Variants in RGL2 observed in about 807,000 individuals in gnomAD.
RGL2 encodes ral guanine nucleotide dissociation stimulator like 2.
Under a neutral mutation model 84.6 loss-of-function variants are expected in RGL2, and 40 were observed. The ratio of observed to expected loss-of-function variants is 0.47; its 90% CI spans 0.37 to 0.62. The LOEUF is 0.62. RGL2 is among the 20% of genes least tolerant of loss of function. The pLI, the probability that RGL2 is intolerant of heterozygous loss-of-function variation, is 0.00. For missense variants in RGL2, 865 were observed against 1,019.7 expected, an observed-to-expected ratio of 0.85 and a Z score of 2.07; for synonymous variants, 369 against 417.3, an observed-to-expected ratio of 0.88 and a Z score of 1.41.
In RGL2 at chr6:33,292,324, A is replaced by G; in HGVS notation, c.2123-11T>C. ...CTGGGATAGTCAGCTCTGAAGGTTC[A>G]GGGGATGGATGTAAAGCACACACAC... On this transcript the variant is annotated splice_polypyrimidine_tract_variant and intron_variant, in intron 17 of 17. Transcript: ENST00000497454. The G allele has an allele frequency of 6.2e-7, 1 of 1,612,724 alleles. No individual in the cohort carries two copies. Among genetic ancestry groups the G allele is most frequent in the Non-Finnish European group, 8.5e-7 (1 of 1,178,888 alleles).
chr6:33,295,294 C>T lies in RGL2; in HGVS notation c.1124+25G>A. The T allele has an allele frequency of 6.4e-7, 1 of 1,560,804 alleles. No homozygotes were observed. Among genetic ancestry groups the T allele is most frequent in the South Asian group, 1.2e-5 (1 of 85,524 alleles). On this transcript the variant is annotated intron_variant, in intron 8 of 17. Transcript: ENST00000497454. This position sits in a 1 kb window ranked among gnomAD's most constrained non-coding sequence, Gnocchi z 7.2. ...CCCGCCTTCTGAGGAACCCCCACCC[C>T]AGTCCAATGCCTCAGCCTCCGCACC...
rs1268138720 is a variant in RGL2, at chr6:33,295,566, C to T, written c.962G>A (p.Arg321Gln). The T allele has an allele frequency of 5.0e-6, 8 of 1,613,790 alleles. No individual in the cohort carries two copies. The highest frequency in any genetic ancestry group is 6.8e-6 in the Non-Finnish European group (8 of 1,180,026). The part of the protein sequence containing the change: ...TGEGPGEVTI[R>Q]PLRPPQRARL... ...GGCCCTCTGTGGGGGACGGAGTGGCCGTATGGTCACCTCCCCAGGTCCCTC... is the reference window on the plus strand; with the variant it reads ...GGCCCTCTGTGGGGGACGGAGTGGCTGTATGGTCACCTCCCCAGGTCCCTC... Residue 321 changes from arginine (R) to glutamine (Q), a missense_variant, in exon 7 of 18, where the codon CGG becomes CAG. Physicochemically the swap from Arg to Gln is conservative, Grantham distance 43 (BLOSUM62 1). Coordinates refer to ENST00000497454, the MANE Select transcript of RGL2 (RefSeq NM_004761.5). This position sits in a 1 kb window ranked among gnomAD's most constrained non-coding sequence, Gnocchi z 7.2.
chr6:33,300,285 A>G (rs371691565), upstream of RGL2: 2 of 153,766 alleles, frequency 1.3e-5, no homozygotes, highest in East Asian at 3.8e-4. Context: ...GGTTCTCCAA[A>G]TGTAACCTCG....
upstream of RGL2, chr6:33,300,794 T>A (rs945012280): frequency 4.6e-5 from 7 of 151,776 alleles, no homozygotes; most frequent in African/African-American, 1.7e-4. Context: ...TGAAACCCCG[T>A]CTCTACTAAA....
rs1317451488 is a variant in RGL2, at chr6:33,297,306, ACC to A, written c.157-193_157-192del. On this transcript the variant is annotated intron_variant, in intron 2 of 17. Transcript: ENST00000497454. This position sits in a 1 kb window ranked among gnomAD's most constrained non-coding sequence, Gnocchi z 4.0. ...CCCCCACTGGGGCCCAGACAGCCCC[ACC>A]CCAGCCGCCTCAGGGCCCCGGTGGA... 32 of 515,540 alleles carry A rather than the reference ACC, an allele frequency of 6.2e-5. No homozygotes were observed. The highest frequency in any genetic ancestry group is 2.4e-5 in the Non-Finnish European group (7 of 294,552). The allele number at this position is 515,540 out of a possible 1,614,324, so 31.9% of individuals were successfully genotyped here.
Position 33,293,448 on chromosome 6 carries a change from T to C in RGL2, c.1681A>G (p.Thr561Ala), listed in dbSNP as rs879599043. The C allele has an allele frequency of 4.3e-6, 7 of 1,614,062 alleles. No individual in the cohort carries two copies. Among genetic ancestry groups the C allele is most frequent in the East Asian group, 4.5e-5 (2 of 44,882 alleles). Residue 561 changes from threonine to alanine, a missense_variant, in exon 15 of 18, where the codon ACA becomes GCA. Transcript: ENST00000497454. The surrounding 1 kb of genome is among the most constrained non-coding windows in gnomAD (Gnocchi z 7.0). ...RPSTGGDEAP[T>A]TPAPLLTRLA... ...CGAGTCAGCAGAGGAGCAGGAGTTG[T>C]AGGCGCCTCATCTCCCCCAGTACTG...
Position 33,297,497 on chromosome 6 carries a change from G to C in RGL2, c.157-382C>G, listed in dbSNP as rs1768097762. The C allele has an allele frequency of 4.3e-6, 1 of 230,650 alleles. No homozygotes were observed. Among genetic ancestry groups the C allele is most frequent in the Non-Finnish European group, 8.6e-6 (1 of 116,840 alleles). 14.3% of individuals were successfully genotyped at this position (230,650 alleles called of 1,614,324 possible). On this transcript the variant is annotated intron_variant, in intron 2 of 17. Coordinates refer to ENST00000497454, the MANE Select transcript of RGL2 (RefSeq NM_004761.5). This position sits in a 1 kb window ranked among gnomAD's most constrained non-coding sequence, Gnocchi z 4.0. ...GCAGCAAGCCAGAGGCAGCGACTAGGGGTAGCTGAAACCTCAGTCCAGGCA... is the reference window on the plus strand; with the variant it reads ...GCAGCAAGCCAGAGGCAGCGACTAGCGGTAGCTGAAACCTCAGTCCAGGCA...
chr6:33,292,512 G>C lies in RGL2; in HGVS notation c.2040C>G (p.Ile680Met). Reference protein sequence around the residue: ...VTSQDKAPSVISRVLKKNNRD... With the variant: ...VTSQDKAPSVMSRVLKKNNRD... Reference sequence around the variant, plus strand: ...GATTGTTTTTCTTAAGGACACGACTGATGACACTTGGAGCCTTGTCCTGGC... The same window carrying C: ...GATTGTTTTTCTTAAGGACACGACTCATGACACTTGGAGCCTTGTCCTGGC... Residue 680 changes from isoleucine to methionine, a missense_variant, in exon 17 of 18, where the codon ATC becomes ATG. Coordinates refer to ENST00000497454, the MANE Select transcript of RGL2 (RefSeq NM_004761.5). The C allele has an allele frequency of 6.2e-7, 1 of 1,614,144 alleles. No homozygotes were observed. The highest frequency in any genetic ancestry group is 1.1e-5 in the South Asian group (1 of 91,088).
chr6:33,298,497 G>A lies in RGL2; in HGVS notation c.114C>T (p.Val38=). Residue 38 remains valine, a synonymous_variant, in exon 2 of 18, where the codon GTC becomes GTT. Coordinates refer to ENST00000497454, the MANE Select transcript of RGL2 (RefSeq NM_004761.5). The surrounding 1 kb of genome is among the most constrained non-coding windows in gnomAD (Gnocchi z 4.8). ...CCTCTTCCTCCTGCCCCCCGCCCAC[G>A]ACCAGGCCACCTGGGCCCCCACCCT... ...PEEGGGPGGL[V]VGGGQEEEEE... The A allele has an allele frequency of 1.3e-6, 2 of 1,524,318 alleles. No homozygotes were observed. Among genetic ancestry groups the A allele is most frequent in the Non-Finnish European group, 1.8e-6 (2 of 1,130,736 alleles). 94.4% of individuals were successfully genotyped at this position (1,524,318 alleles called of 1,614,324 possible).
Position 33,292,076 on chromosome 6 carries a change from T to G in RGL2, c.*26A>C, listed in dbSNP as rs1767441226. The G allele has an allele frequency of 1.9e-6, 3 of 1,613,046 alleles. No homozygotes were observed. Among genetic ancestry groups the G allele is most frequent in the East Asian group, 2.2e-5 (1 of 44,880 alleles). On this transcript the variant is annotated 3_prime_UTR_variant, in exon 18 of 18. Transcript: ENST00000497454. ...CCACATCTGGTATGAACACCATGAC[T>G]TCTGTAAGCCAACGGGGCTTCCTCC...
At chr6:33,292,795 G>A (rs904872664) in intron 16 of RGL2, among the ~76,000 whole-genome samples, 4 of 152,210 alleles carry the variant, frequency 2.6e-5, no homozygotes, top group African/African-American at 9.7e-5. Context: ...AGTTTAAGGT[G>A]TAGCAACTAA....
At position 33,292,128 on chromosome 6, in the gene RGL2, T is replaced by C. The variant is rs1360129430; in HGVS notation, c.2308A>G (p.Arg770Gly). The change falls in exon 18 of 18, where the codon AGG becomes GGG. Residue 770 changes from arginine to glycine, a missense_variant. Physicochemically the swap from Arg to Gly is moderately radical, Grantham distance 125. Around this residue, in one of 5 missense-constraint regions of RGL2, gnomAD observed 302 missense variants for 327.9 expected, o/e 0.92. Coordinates refer to ENST00000497454, the MANE Select transcript of RGL2 (RefSeq NM_004761.5). ...GSFPRIKATG[R>G]KIARALF ...CAGAACAGTGCCCGTGCAATCTTCC[T>C]CCCTGTGGCCTTGATCCTGGGAAAG... 1 of 1,614,132 alleles carries C rather than the reference T, an allele frequency of 6.2e-7. No homozygotes were observed. The highest frequency in any genetic ancestry group is 1.3e-5 in the African/African-American group (1 of 75,026).
Position 33,292,205 on chromosome 6 carries a change from G to A in RGL2, c.2231C>T (p.Thr744Ile), listed in dbSNP as rs746522024. 4 of 1,614,118 alleles carry A rather than the reference G, an allele frequency of 2.5e-6. No homozygotes were observed. The highest frequency in any genetic ancestry group is 1.3e-5 in the African/African-American group (1 of 74,942). Residue 744 changes from threonine (T) to isoleucine (I), a missense_variant, in exon 18 of 18, where the codon ACC becomes ATC. Thr to Ile is a moderately conservative substitution (Grantham distance 89). This residue lies in a region of RGL2 where 302 missense variants were observed against 327.9 expected (regional missense o/e 0.92). Coordinates refer to ENST00000497454, the MANE Select transcript of RGL2 (RefSeq NM_004761.5). ...RRSSTATPGV[T>I]SGPSASGTPP... The stretch of plus-strand genomic sequence containing the variant: ...AGTTCCTGAGGCAGACGGGCCACTG[G>A]TGACGCCAGGTGTAGCAGTAGAGGA...
At position 33,296,920 on chromosome 6, in the gene RGL2, CAG is replaced by C. The variant is rs1431039326; in HGVS notation, c.240+110_240+111del. On this transcript the variant is annotated intron_variant, in intron 3 of 17. Transcript: ENST00000497454. The surrounding 1 kb of genome is among the most constrained non-coding windows in gnomAD (Gnocchi z 5.0). ...AAGAGTCTTGGCCTATGTCACACAG[CAG>C]AGTCCAGGACTCCAGAACTCCAACC... 4.1e-6 allele frequency: 6 copies of C among 1,479,422 alleles called. No homozygotes were observed. The highest frequency in any genetic ancestry group is 1.4e-5 in the African/African-American group (1 of 72,098). The allele number at this position is 1,479,422 out of a possible 1,614,324, so 91.6% of individuals were successfully genotyped here.
At position 33,294,904 on chromosome 6, in the gene RGL2, T is replaced by C. The variant is rs1297450650; in HGVS notation, c.1278+73A>G. 1 of 1,516,136 alleles carries C rather than the reference T, an allele frequency of 6.6e-7. No individual in the cohort carries two copies. Among genetic ancestry groups the C allele is most frequent in the Non-Finnish European group, 8.9e-7 (1 of 1,117,422 alleles). 93.9% of individuals were successfully genotyped at this position (1,516,136 alleles called of 1,614,324 possible). A position where few individuals can be genotyped will look rare whatever the true frequency, so the allele number is the denominator to read the frequency against. On this transcript the variant is annotated intron_variant, in intron 10 of 17. Transcript: ENST00000497454. The surrounding 1 kb of genome is among the most constrained non-coding windows in gnomAD (Gnocchi z 5.0). ...TGCCTCCCTTACCCATCCTTCAGGCTGCTCCCCCAAAACATACTCCTCACC... is the reference window on the plus strand; with the variant it reads ...TGCCTCCCTTACCCATCCTTCAGGCCGCTCCCCCAAAACATACTCCTCACC...
chr6:33,294,299 A>T lies in RGL2; in HGVS notation c.1354-233T>A, dbSNP rs145941666. ...GGTAGACAACGAGTCTGCTTTGCAG[A>T]TGAGAGGACTGGATAGTATCCAATT... On this transcript the variant is annotated intron_variant, in intron 11 of 17. Coordinates refer to ENST00000497454, the MANE Select transcript of RGL2 (RefSeq NM_004761.5). The surrounding 1 kb of genome is among the most constrained non-coding windows in gnomAD (Gnocchi z 5.0). Among the ~76,000 whole-genome samples, 337 of 152,158 alleles carry T rather than the reference A, an allele frequency of 2.2e-3. No individual in the cohort carries two copies. The highest frequency in any genetic ancestry group is 0.017 in the Middle Eastern group (5 of 294).
Position 33,298,565 on chromosome 6 carries a change from C to T in RGL2, c.46G>A (p.Gly16Arg). ...LRLLLDTSPP[G>R]GVVLSSFRSR... is the part of the protein sequence containing the mutation. ...CGGAAGCTGCTCAGTACGACTCCCC[C>T]GGGGGGGCTCGTGTCCAAAAGCAGC... is the stretch of plus-strand genomic sequence containing the variant. The change falls in exon 2 of 18, where the codon GGG becomes AGG. Residue 16 changes from glycine (G) to arginine (R), a missense_variant. Around this residue, in one of 5 missense-constraint regions of RGL2, gnomAD observed 23 missense variants for 22.7 expected, o/e 1.01. Transcript: ENST00000497454. This position sits in a 1 kb window ranked among gnomAD's most constrained non-coding sequence, Gnocchi z 4.8. 6.8e-7 allele frequency: 1 copy of T among 1,468,538 alleles called. No homozygotes were observed. Among genetic ancestry groups the T allele is most frequent in the East Asian group, 2.9e-5 (1 of 34,918 alleles). The allele number at this position is 1,468,538 out of a possible 1,614,324, so 91.0% of individuals were successfully genotyped here.
Position 33,295,679 on chromosome 6 carries a change from G to A in RGL2, c.849C>T (p.Leu283=). ...TGACAGTAGCTCGGACAGATGGGCAGAGGTGAGAATGTCCTGGCCGGTCTC... is the reference window on the plus strand; with the variant it reads ...TGACAGTAGCTCGGACAGATGGGCAAAGGTGAGAATGTCCTGGCCGGTCTC... ...GHRDRPGHSH[L]CPSVRATVTQ... is the part of the protein sequence containing the mutation. The change falls in exon 7 of 18, where the codon CTC becomes CTT. Residue 283 remains leucine, a synonymous_variant. Coordinates refer to ENST00000497454, the MANE Select transcript of RGL2 (RefSeq NM_004761.5). This position sits in a 1 kb window ranked among gnomAD's most constrained non-coding sequence, Gnocchi z 7.2. The A allele has an allele frequency of 6.2e-7, 1 of 1,613,894 alleles. No individual in the cohort carries two copies. The highest frequency in any genetic ancestry group is 1.6e-4 in the Middle Eastern group (1 of 6,062).
Position 33,298,467 on chromosome 6 carries a change from C to T in RGL2, c.144G>A (p.Glu48=). 3 of 1,497,832 alleles carry T rather than the reference C, an allele frequency of 2.0e-6. No individual in the cohort carries two copies. The highest frequency in any genetic ancestry group is 9.1e-7 in the Non-Finnish European group (1 of 1,104,484). 92.8% of individuals were successfully genotyped at this position (1,497,832 alleles called of 1,614,324 possible). A position where few individuals can be genotyped will look rare whatever the true frequency, so the allele number is the denominator to read the frequency against. ...VVGGGQEEEE[E]EEEEAPVSVW... Reference sequence around the variant, plus strand: ...ACCCGCGTCTCACCTCTTCTTCTTCCTCCTCCTCTTCCTCCTGCCCCCCGC... The same window carrying T: ...ACCCGCGTCTCACCTCTTCTTCTTCTTCCTCCTCTTCCTCCTGCCCCCCGC... Residue 48 remains glutamate (E), a synonymous_variant, in exon 2 of 18, where the codon GAG becomes GAA. Transcript: ENST00000497454. The surrounding 1 kb of genome is among the most constrained non-coding windows in gnomAD (Gnocchi z 4.8).
Sources: allele counts gnomAD v4.1 joint callset (sites outside exome capture counted in the v4.1 genomes callset), GRCh38; gene constraint gnomAD v4.1.1; regional missense constraint gnomAD v4.1.1; non-coding constraint Gnocchi (gnomAD v3.1); transcripts MANE v1.5; gene names NCBI Gene and HGNC (gene_info 2026-07-23, HGNC 2026-07-21).